PCDH19: variants seen among roughly 807,000 people sequenced by gnomAD.
PCDH19 encodes the protein protocadherin 19.
Under a neutral mutation model 46.2 loss-of-function variants are expected in PCDH19, and 6 were observed. The observed-to-expected ratio is 0.13, with a 90% CI of 0.07 to 0.26. The LOEUF (loss-of-function observed/expected upper bound fraction) is 0.26, where lower values mean the gene tolerates loss of function less well. Ranked by LOEUF, PCDH19 falls within the 10% of genes least tolerant of loss-of-function variation. The probability of loss-of-function intolerance (pLI) is 1.00; values close to 1 mark genes in which losing one functional copy is unlikely to be tolerated. For synonymous variants in PCDH19, 481 were observed against 415.7 expected (o/e 1.16, Z -1.91); for missense variants, 740 against 972.3 (o/e 0.76, Z 3.18).
chrX:100,344,153 G>A (rs1419126677), intron 4 of PCDH19, among the ~76,000 whole-genome samples: 1 of 112,058 alleles, frequency 8.9e-6, no homozygotes, highest in African/African-American at 3.2e-5. Flanking sequence ...TTTTCAGAAA[G>A]AATAACTGAG....
intron 3 of PCDH19, among the ~76,000 whole-genome samples, chrX:100,353,736 C>T (rs945107013): frequency 8.9e-6 from 1 of 112,039 alleles, no homozygotes; most frequent in Admixed American, 9.5e-5. Flanking sequence ...ACCTTCCTAT[C>T]TTTTATCCTC....
chrX:100,406,353 G>A lies in PCDH19; in HGVS notation c.2147+98C>T. The A allele has an allele frequency of 6.1e-6, 4 of 654,403 alleles. No individual in the cohort carries two copies. In the East Asian group the frequency reaches 1.4e-4, roughly 23 times the overall value. 53.9% of individuals were successfully genotyped at this position (654,403 alleles called of 1,213,427 possible). A position where few individuals can be genotyped will look rare whatever the true frequency, so the allele number is the denominator to read the frequency against. On this transcript the variant is annotated intron_variant, in intron 1 of 5. Coordinates refer to ENST00000373034, the MANE Select transcript of PCDH19 (RefSeq NM_001184880.2). ...AAGAAGCACTGCAAGTATGCTGCAT[G>A]CATTTAAGTAGGAAACAAAAGCACC...
chrX:100,297,984 A>T (rs983304304), intron 5 of PCDH19, among the ~76,000 whole-genome samples: 1 of 110,528 alleles, frequency 9.0e-6, no homozygotes, highest in Non-Finnish European at 1.9e-5. Context: ...ATTTACAGAA[A>T]ATACATATAT....
intron 4 of PCDH19, among the ~76,000 whole-genome samples, chrX:100,349,825 T>C (rs1296648607): frequency 8.9e-6 from 1 of 112,644 alleles, no homozygotes; most frequent in Admixed American, 9.4e-5. Flanking sequence ...GGTTCTCTTC[T>C]TTGCTCAGTT....
chrX:100,393,511 C>T (rs868269881), intron 3 of PCDH19, among the ~76,000 whole-genome samples: 25 of 107,319 alleles, frequency 2.3e-4, no homozygotes, highest in Middle Eastern at 4.7e-3. Flanking sequence ...CACACACACA[C>T]ACACACACAC....
chrX:100,380,930 A>G (rs765715040), intron 3 of PCDH19, among the ~76,000 whole-genome samples: 76 of 112,376 alleles, frequency 6.8e-4, no homozygotes, highest in Non-Finnish European at 1.2e-3. Context: ...CGGATACTGA[A>G]CCAATTAATA....
Position 100,403,635 on chromosome X carries a change from C to T in PCDH19, c.2177G>A (p.Gly726Asp). The change falls in exon 2 of 6, where the codon GGC (glycine) becomes GAC (aspartate). Residue 726 changes from glycine to aspartate, a missense_variant. Physicochemically the swap from Gly to Asp is moderately conservative, Grantham distance 94 (BLOSUM62 -1). This residue lies in a region of PCDH19 where 416 missense variants were observed against 476.8 expected (regional missense o/e 0.87). Coordinates refer to ENST00000373034, the MANE Select transcript of PCDH19 (RefSeq NM_001184880.2). ...SNCLTITCLL[G>D]CFIKGQNSKC... The stretch of plus-strand genomic sequence containing the variant: ...GCTGTTTTGTCCTTTTATAAAACAG[C>T]CGAGGAGACAAGTGATGGTTAAACA... 2 of 1,205,783 alleles carry T rather than the reference C, an allele frequency of 1.7e-6. No individual in the cohort carries two copies.
At position 100,406,862 on chromosome X, in the gene PCDH19, C is replaced by A. The variant is rs1418297627; in HGVS notation, c.1736G>T (p.Arg579Leu). Residue 579 changes from arginine to leucine, a missense_variant, in exon 1 of 6, where the codon CGC becomes CTC. Coordinates refer to ENST00000373034, the MANE Select transcript of PCDH19 (RefSeq NM_001184880.2). ...INGTAEVYIPRNSGIGYLVTV... is the reference protein window; with the variant it reads ...INGTAEVYIPLNSGIGYLVTV... Reference sequence around the variant, plus strand: ...CACCAGGTAGCCTATGCCAGAGTTGCGGGGTATGTAGACCTCGGCAGTGCC... The same window carrying A: ...CACCAGGTAGCCTATGCCAGAGTTGAGGGGTATGTAGACCTCGGCAGTGCC... 1 of 1,210,004 alleles carries A rather than the reference C, an allele frequency of 8.3e-7. No homozygotes were observed. The highest frequency in any genetic ancestry group is 1.1e-6 in the Non-Finnish European group (1 of 895,243).
chrX:100,313,358 T>C (rs1293443792), intron 5 of PCDH19, among the ~76,000 whole-genome samples: 1 of 111,485 alleles, frequency 9.0e-6, no homozygotes, highest in African/African-American at 3.3e-5. Flanking sequence ...CTGGGAGAAT[T>C]TGAAGCTCCG....
At chrX:100,364,158 C>T (rs908548024) in intron 3 of PCDH19, among the ~76,000 whole-genome samples, 3 of 109,386 alleles carry the variant, frequency 2.7e-5, no homozygotes, top group Non-Finnish European at 5.7e-5. Flanking sequence ...TCAGAGTTGT[C>T]GGCTGGAAAG....
At chrX:100,332,681 A>G (rs1925911528) in intron 5 of PCDH19, among the ~76,000 whole-genome samples, 1 of 111,592 alleles carries the variant, frequency 9.0e-6, no homozygotes, top group Non-Finnish European at 1.9e-5. Context: ...CCATCCTGAT[A>G]AGAGTTTATG....
intron 5 of PCDH19, among the ~76,000 whole-genome samples, chrX:100,318,019 CT>C (rs1225675282): frequency 8.9e-6 from 1 of 112,171 alleles, no homozygotes; most frequent in Non-Finnish European, 1.9e-5. Flanking sequence ...ACTGGAGCAA[CT>C]CAAGACTTCA....
chrX:100,320,989 T>C (rs1397280248), intron 5 of PCDH19, among the ~76,000 whole-genome samples: 1 of 108,726 alleles, frequency 9.2e-6, no homozygotes, highest in Non-Finnish European at 1.9e-5. Context: ...CTTACACCTT[T>C]GCGTCCTCAT....
At chrX:100,402,249 C>A (rs912377781) in intron 3 of PCDH19, among the ~76,000 whole-genome samples, 6 of 112,200 alleles carry the variant, frequency 5.3e-5, no homozygotes, top group African/African-American at 1.6e-4. Flanking sequence ...ACAGGTGGAG[C>A]AAACTTGAGT....
At chrX:100,403,809 G>T in intron 1 of PCDH19, 145 bp from the exon 2 acceptor site, 1 of 437,377 alleles carries the variant, frequency 2.3e-6, no homozygotes, top group Non-Finnish European at 3.8e-6. Context: ...AAGACACCAG[G>T]CATTAAGAGA....
At chrX:100,362,432 T>C (rs4828023) in intron 3 of PCDH19, among the ~76,000 whole-genome samples, 32,318 of 109,494 alleles carry the variant, frequency 0.3, 3,709 homozygotes, top group Non-Finnish European at 0.35. Context: ...AAGGAAACAA[T>C]GATGTACCTT....
chrX:100,333,779 T>C (rs960052070), intron 5 of PCDH19, among the ~76,000 whole-genome samples: 3 of 100,632 alleles, frequency 3.0e-5, no homozygotes, highest in Non-Finnish European at 6.0e-5. Flanking sequence ...TGTTTGTTTT[T>C]TTCCTCTTCA....
rs1322901267 is a variant in PCDH19, at chrX:100,300,266, TA to T, written c.2849-3392del. On this transcript the variant is annotated intron_variant, in intron 5 of 5. Transcript: ENST00000373034. ...AATAGCAATGAAGACAGACCAGATGTAAAAAAATAAAAATTAAAAAGACTAC... is the reference window on the plus strand; with the variant it reads ...AATAGCAATGAAGACAGACCAGATGTAAAAAATAAAAATTAAAAAGACTAC... Among the ~76,000 whole-genome samples the T allele has an allele frequency of 2.1e-4, 23 of 111,600 alleles. 1 individual carries two copies. Among genetic ancestry groups the T allele is most frequent in the African/African-American group, 7.2e-4 (22 of 30,744 alleles).
intron 3 of PCDH19, among the ~76,000 whole-genome samples, chrX:100,367,067 G>T (rs1569303425): frequency 8.9e-6 from 1 of 112,560 alleles, no homozygotes; most frequent in Non-Finnish European, 1.9e-5. Flanking sequence ...AAGGGTAGAA[G>T]AAAAAGGCAA....
Sources: allele counts gnomAD v4.1 joint callset (sites outside exome capture counted in the v4.1 genomes callset), GRCh38; gene constraint gnomAD v4.1.1; regional missense constraint gnomAD v4.1.1; transcripts MANE v1.5; gene names NCBI Gene and HGNC (gene_info 2026-07-23, HGNC 2026-07-21).